SNAPC3: variants seen among roughly 807,000 people sequenced by gnomAD.
SNAPC3 encodes snRNA-activating protein complex subunit 3.
SNAPC3 carries 56 observed loss-of-function variants against 47.7 expected under a neutral mutation model. The observed-to-expected ratio is 1.18, with a 90% CI of 0.95 to 1.47. The LOEUF is 1.47. Among genes scored for constraint, SNAPC3 ranks in the 40% most tolerant of loss-of-function variants. The pLI, the probability that SNAPC3 is intolerant of heterozygous loss-of-function variation, is 0.00. For synonymous variants in SNAPC3, 235 were observed against 189.9 expected (o/e 1.24, Z -1.95); for missense variants, 665 against 511.3 (o/e 1.30, Z -2.90).
intron 2 of SNAPC3, among the ~76,000 whole-genome samples, chr9:15,427,966 C>G (rs1487543417): frequency 6.6e-6 from 1 of 151,926 alleles, no homozygotes; most frequent in Admixed American, 6.6e-5. Context: ...CAAACATTAG[C>G]TGGGCGTGGT....
intron 5 of SNAPC3, among the ~76,000 whole-genome samples, chr9:15,447,657 C>T (rs1231539892): frequency 6.6e-6 from 1 of 152,036 alleles, no homozygotes; most frequent in Non-Finnish European, 1.5e-5. Flanking sequence ...TGTAACTTGA[C>T]CTCACTGTAG....
downstream of SNAPC3, chr9:15,462,626 T>C (rs2035300965): frequency 6.6e-6 from 1 of 152,226 alleles, no homozygotes; most frequent in Non-Finnish European, 1.5e-5. Flanking sequence ...TTTTATATAA[T>C]AGTGGATACA....
At chr9:15,441,607 A>G (rs1205262454) in intron 3 of SNAPC3, among the ~76,000 whole-genome samples, 4 of 151,804 alleles carry the variant, frequency 2.6e-5, no homozygotes, top group Non-Finnish European at 4.4e-5. Context: ...CTTAAGGAGC[A>G]TGCTGCCTTC....
chr9:15,443,896 C>T (rs918849527), intron 3 of SNAPC3, among the ~76,000 whole-genome samples: 1 of 152,212 alleles, frequency 6.6e-6, no homozygotes, highest in African/African-American at 2.4e-5. Context: ...AAACACTCCC[C>T]TGATTGTTGT....
Position 15,451,415 on chromosome 9 carries a change from A to C in SNAPC3, c.815+13A>C. On this transcript the variant is annotated intron_variant, in intron 6 of 8. Coordinates refer to ENST00000380821, the MANE Select transcript of SNAPC3 (RefSeq NM_001039697.2). ...GAGATTTGAGCAGGTATAGTTTCCAAAAATCTTCTCAAAGTCTTTCCTATT... is the reference window on the plus strand; with the variant it reads ...GAGATTTGAGCAGGTATAGTTTCCACAAATCTTCTCAAAGTCTTTCCTATT... 7.7e-7 allele frequency: 1 copy of C among 1,305,936 alleles called. No individual in the cohort carries two copies. Among genetic ancestry groups the C allele is most frequent in the Non-Finnish European group, 1.1e-6 (1 of 932,554 alleles). The allele number at this position is 1,305,936 out of a possible 1,614,324, so 80.9% of individuals were successfully genotyped here.
intron 3 of SNAPC3, among the ~76,000 whole-genome samples, chr9:15,435,749 T>C (rs1425366985): frequency 6.6e-6 from 1 of 151,570 alleles, no homozygotes; most frequent in Non-Finnish European, 1.5e-5. Flanking sequence ...AAAAAAGAGT[T>C]CTTTGTATAT....
At chr9:15,427,160 T>C (rs2031515888) in intron 2 of SNAPC3, among the ~76,000 whole-genome samples, 1 of 152,226 alleles carries the variant, frequency 6.6e-6, no homozygotes, top group African/African-American at 2.4e-5. Flanking sequence ...TAGATATTGA[T>C]TCTTCCTTGA....
chr9:15,444,498 A>G, intron 3 of SNAPC3, 104 bp from the exon 4 acceptor site: 2 of 684,870 alleles, frequency 2.9e-6, no homozygotes, highest in South Asian at 3.6e-5. Context: ...TAGGTGTCAA[A>G]CCCAAGGCTG....
Position 15,461,473 on chromosome 9 carries a change from C to CT in SNAPC3, c.*1610dup, listed in dbSNP as rs1314535780. ...CACAGCGCCCAGCAAAATAAACTTT[C>CT]TTTATTTTCAGGTCTAGACCATCAG... On this transcript the variant is annotated 3_prime_UTR_variant, in exon 9 of 9. Transcript: ENST00000380821. The CT allele has an allele frequency of 6.6e-6, 1 of 152,126 alleles. No individual in the cohort carries two copies. The highest frequency in any genetic ancestry group is 1.5e-5 in the Non-Finnish European group (1 of 68,024). The allele number at this position is 152,126 out of a possible 1,614,324, so 9.4% of individuals were successfully genotyped here.
Position 15,433,564 on chromosome 9 carries a change from G to T in SNAPC3, c.405G>T (p.Arg135Ser), listed in dbSNP as rs771570311. 1.1e-5 allele frequency: 18 copies of T among 1,602,034 alleles called. No homozygotes were observed. Among genetic ancestry groups the T allele is most frequent in the Non-Finnish European group, 1.5e-5 (18 of 1,172,912 alleles). ...ACATCTACAACAGGGTTAGAAAAAG[G>T]TTCTTGGAACATCGGGAAGAAACCA... Reference protein sequence around the residue: ...TDLVTLGVRKRFLEHREETIT... With the variant: ...TDLVTLGVRKSFLEHREETIT... Residue 135 changes from arginine (R) to serine (S), a missense_variant, in exon 3 of 9, where the codon AGG becomes AGT. Coordinates refer to ENST00000380821, the MANE Select transcript of SNAPC3 (RefSeq NM_001039697.2).
At chr9:15,455,860 G>A (rs1336452887) in intron 7 of SNAPC3, among the ~76,000 whole-genome samples, 3 of 151,510 alleles carry the variant, frequency 2.0e-5, no homozygotes, top group Admixed American at 1.3e-4. Flanking sequence ...CACCTTGTCC[G>A]GCTAATTTTT....
chr9:15,449,728 G>T (rs963002247), intron 5 of SNAPC3, among the ~76,000 whole-genome samples: 2 of 151,008 alleles, frequency 1.3e-5, no homozygotes, highest in East Asian at 3.9e-4. Context: ...GCACCACCAT[G>T]CCCGGCTAAT....
intron 7 of SNAPC3, among the ~76,000 whole-genome samples, chr9:15,454,978 GAATT>G (rs1249198007): frequency 1.6e-4 from 25 of 152,162 alleles, no homozygotes; most frequent in African/African-American, 3.1e-4. Context: ...AAATGGGAGA[GAATT>G]AATAGATTAA....
At chr9:15,431,754 C>T (rs2032176284) in intron 2 of SNAPC3, 1 of 151,966 alleles carries the variant, frequency 6.6e-6, no homozygotes, top group Non-Finnish European at 1.5e-5. Context: ...TTAAAACCAA[C>T]TAGGATGTAG....
At chr9:15,444,865 G>T (rs2033799212) in intron 4 of SNAPC3, among the ~76,000 whole-genome samples, 159 bp downstream of exon 4, 1 of 152,204 alleles carries the variant, frequency 6.6e-6, no homozygotes. Flanking sequence ...GCCAAGGCAG[G>T]AGGATCACTT....
At position 15,423,024 on chromosome 9, in the gene SNAPC3, G is replaced by A; in HGVS notation, c.145G>A (p.Glu49Lys). 1 of 1,536,112 alleles carries A rather than the reference G, an allele frequency of 6.5e-7. No homozygotes were observed. The change falls in exon 1 of 9, where the codon GAG becomes AAG. Residue 49 changes from glutamate to lysine, a missense_variant. Glu to Lys is a moderately conservative substitution (Grantham distance 56). Coordinates refer to ENST00000380821, the MANE Select transcript of SNAPC3 (RefSeq NM_001039697.2). Reference sequence around the variant, plus strand: ...CGCTTTCCATGTGGGCGCCTTTGGGGAGCTGTGGCGGGGCCGTCTGCGCGG... The same window carrying A: ...CGCTTTCCATGTGGGCGCCTTTGGGAAGCTGTGGCGGGGCCGTCTGCGCGG... ...TRAFHVGAFG[E>K]LWRGRLRGAG...
At chr9:15,428,850 G>C (rs1414728751) in intron 2 of SNAPC3, among the ~76,000 whole-genome samples, 2 of 151,994 alleles carry the variant, frequency 1.3e-5, no homozygotes, top group Non-Finnish European at 2.9e-5. Context: ...GAGAAAGTAG[G>C]GAATGGTAGG....
chr9:15,458,185 A>C (rs1362407195), intron 8 of SNAPC3, 118 bp downstream of exon 8: 2 of 561,842 alleles, frequency 3.6e-6, no homozygotes, highest in African/African-American at 3.9e-5. Flanking sequence ...ATGAAGTATC[A>C]TCTAGTAGGG....
rs1470092999 is a variant in SNAPC3 at position 15,422,890 on chromosome 9, G to C, written c.11G>C (p.Gly4Ala). 2.6e-6 allele frequency: 4 copies of C among 1,535,620 alleles called. No homozygotes were observed. Among genetic ancestry groups the C allele is most frequent in the Non-Finnish European group, 3.5e-6 (4 of 1,141,310 alleles). The change falls in exon 1 of 9, where the codon GGA becomes GCA. Residue 4 changes from glycine (G) to alanine (A), a missense_variant. Physicochemically the swap from Gly to Ala is moderately conservative, Grantham distance 60 (BLOSUM62 0). Transcript: ENST00000380821. MAE[G>A]SRGGPTCSGV... ...AGGAGTGGGGCGAACATGGCTGAAG[G>C]AAGCCGAGGTGGCCCTACGTGTAGC...
Sources: gnomAD v4.1 joint callset for allele counts (sites outside exome capture counted in the v4.1 genomes callset) on GRCh38, gnomAD v4.1.1 for gene constraint, MANE v1.5 for transcripts, NCBI Gene and HGNC (gene_info 2026-07-23, HGNC 2026-07-21) for gene names.